Variants in ELMO1 observed in about 807,000 individuals in gnomAD.
ELMO1 encodes the protein engulfment and cell motility 1.
In ELMO1, 26 loss-of-function variants were observed where a neutral mutation model predicts 98.9. That is an observed-to-expected ratio of 0.26 (90% CI 0.19 to 0.36). The LOEUF is 0.36. ELMO1 is among the 10% of genes least tolerant of loss of function. The probability of loss-of-function intolerance (pLI) is 1.00; values close to 1 mark genes in which losing one functional copy is unlikely to be tolerated. For missense variants in ELMO1, 627 were observed against 935.2 expected, an observed-to-expected ratio of 0.67 and a Z score of 4.30; for synonymous variants, 346 against 346.0, an observed-to-expected ratio of 1.00 and a Z score of 0.00.
At position 37,200,371 on chromosome 7, in the gene ELMO1, G is replaced by C. The variant is rs187841726; in HGVS notation, c.1086+11015C>G. On this transcript the variant is annotated intron_variant, in intron 13 of 21. Transcript: ENST00000310758. The stretch of plus-strand genomic sequence containing the variant: ...GCTGAAATTATAGGAGAGAGCCACT[G>C]TGCCCAACTAGCAGCTACAACTTTA... Among the ~76,000 whole-genome samples, 1,023 of 151,240 alleles carry C rather than the reference G, an allele frequency of 6.8e-3. 41 individuals carry two copies. Among genetic ancestry groups the C allele is most frequent in the Admixed American group, 0.061 (923 of 15,144 alleles).
intron 15 of ELMO1, among the ~76,000 whole-genome samples, chr7:37,070,575 C>T (rs1050302752): frequency 2.0e-5 from 3 of 152,134 alleles, no homozygotes; most frequent in African/African-American, 7.2e-5. Flanking sequence ...AAACCAAGAT[C>T]AGCAAATACA....
chr7:37,081,857 G>A (rs1016671888), intron 15 of ELMO1, among the ~76,000 whole-genome samples: 14 of 152,266 alleles, frequency 9.2e-5, no homozygotes, highest in African/African-American at 3.4e-4. Flanking sequence ...TGAACCCTGC[G>A]AGGCCTTACA....
At chr7:36,985,807 C>G in intron 16 of ELMO1, 1 of 666,754 alleles carries the variant, frequency 1.5e-6, no homozygotes, top group Non-Finnish European at 1.9e-6. Context: ...CTTGAATGCC[C>G]GCTCCTCCAT....
chr7:36,936,452 C>T (rs149883398), intron 16 of ELMO1, among the ~76,000 whole-genome samples: 2 of 152,180 alleles, frequency 1.3e-5, no homozygotes, highest in African/African-American at 2.4e-5. Context: ...TTTCTTCTCT[C>T]GATTTTTTAG....
chr7:37,087,245 C>T (rs1236164276), intron 15 of ELMO1, among the ~76,000 whole-genome samples: 1 of 152,150 alleles, frequency 6.6e-6, no homozygotes, highest in Non-Finnish European at 1.5e-5. Context: ...TTATTACCTA[C>T]AGTTTAAAAT....
chr7:37,381,591 C>A (rs908994189), intron 1 of ELMO1, among the ~76,000 whole-genome samples: 1 of 152,128 alleles, frequency 6.6e-6, no homozygotes, highest in Admixed American at 6.6e-5. Flanking sequence ...GGAATGTAGA[C>A]CATAAGATTA....
At chr7:37,267,046 C>CACACACACACACACATAT (rs1796300668) in intron 5 of ELMO1, among the ~76,000 whole-genome samples, 1 of 65,222 alleles carries the variant, frequency 1.5e-5, no homozygotes, top group African/African-American at 6.4e-5. Flanking sequence ...TATACACACA[C>CACACACACACACACATAT]ACACACACAC....
intron 16 of ELMO1, among the ~76,000 whole-genome samples, chr7:37,007,008 T>G (rs1793181203): frequency 6.6e-6 from 1 of 151,492 alleles, no homozygotes; most frequent in African/African-American, 2.4e-5. Context: ...TAGGTAACAC[T>G]ATCTTACATG....
intron 16 of ELMO1, among the ~76,000 whole-genome samples, chr7:36,913,646 C>T (rs1784488620): frequency 6.6e-6 from 1 of 152,220 alleles, no homozygotes; most frequent in Admixed American, 6.5e-5. Context: ...CTACTAGCCC[C>T]ACCTTGGAGG....
intron 13 of ELMO1, among the ~76,000 whole-genome samples, chr7:37,204,675 C>T (rs1001906540): frequency 3.3e-5 from 5 of 152,184 alleles, no homozygotes; most frequent in South Asian, 2.1e-4. Flanking sequence ...TTAAAGAGAG[C>T]GCATTGGTCC....
chr7:37,152,343 T>C (rs1788419900), intron 13 of ELMO1, among the ~76,000 whole-genome samples: 1 of 152,146 alleles, frequency 6.6e-6, no homozygotes, highest in South Asian at 2.1e-4. Context: ...GGGACTGGTC[T>C]TCATTTGAAG....
intron 2 of ELMO1, among the ~76,000 whole-genome samples, chr7:37,333,191 G>A (rs1583570155): frequency 2.0e-5 from 3 of 152,314 alleles, no homozygotes; most frequent in South Asian, 2.1e-4. Context: ...TACTCCTAAA[G>A]TACAAGCTGT....
At chr7:36,982,043 T>C (rs991002778) in intron 16 of ELMO1, among the ~76,000 whole-genome samples, 3 of 152,196 alleles carry the variant, frequency 2.0e-5, no homozygotes, top group Non-Finnish European at 4.4e-5. Flanking sequence ...AGGGAAGCCT[T>C]GGTGAGTGAG....
At chr7:37,407,615 A>T (rs1409912909) in intron 1 of ELMO1, among the ~76,000 whole-genome samples, 1 of 152,202 alleles carries the variant, frequency 6.6e-6, no homozygotes, top group East Asian at 1.9e-4. Flanking sequence ...CATTCTGGAA[A>T]AGGCAAAACT....
chr7:37,311,564 G>A (rs533551461), intron 4 of ELMO1, among the ~76,000 whole-genome samples: 2 of 152,168 alleles, frequency 1.3e-5, no homozygotes, highest in South Asian at 2.1e-4. Context: ...GTATTTTTAG[G>A]AATACTTGCA....
At chr7:37,018,432 C>A (rs1220968777) in intron 15 of ELMO1, among the ~76,000 whole-genome samples, 1 of 151,556 alleles carries the variant, frequency 6.6e-6, no homozygotes, top group Non-Finnish European at 1.5e-5. Context: ...GGCCTACTTA[C>A]TATTTTTAAT....
intron 13 of ELMO1, among the ~76,000 whole-genome samples, chr7:37,152,506 G>T (rs1788430836): frequency 6.7e-6 from 1 of 150,078 alleles, no homozygotes; most frequent in Non-Finnish European, 1.5e-5. Flanking sequence ...TTTATAGAAT[G>T]TAGCAAGTGT....
chr7:37,422,904 C>T (rs1182674719), intron 1 of ELMO1, among the ~76,000 whole-genome samples: 1 of 152,176 alleles, frequency 6.6e-6, no homozygotes, highest in Non-Finnish European at 1.5e-5. Context: ...ATTTATTGGC[C>T]GCAGCCCATG....
chr7:37,199,223 C>T (rs1435475289), intron 13 of ELMO1, among the ~76,000 whole-genome samples: 1 of 151,972 alleles, frequency 6.6e-6, no homozygotes, highest in African/African-American at 2.4e-5. Context: ...AGTTAATTAC[C>T]GTAAAAAGTA....
Sources: allele counts gnomAD v4.1 joint callset (sites outside exome capture counted in the v4.1 genomes callset), GRCh38; gene constraint gnomAD v4.1.1; transcripts MANE v1.5; gene names NCBI Gene and HGNC (gene_info 2026-07-23, HGNC 2026-07-21).